The following URB1 variants were observed in gnomAD, a reference collection of about 807,000 sequenced individuals.
The protein encoded by URB1 is nucleolar pre-ribosomal-associated protein 1.
Under a neutral mutation model 242.3 loss-of-function variants are expected in URB1, and 197 were observed. The observed-to-expected ratio is 0.81, with a 90% CI of 0.72 to 0.91. URB1 has a LOEUF of 0.91. URB1 is among the 40% of genes least tolerant of loss of function. The pLI is 0.00. For missense variants in URB1, 2,721 were observed against 2,860.5 expected (o/e 0.95, Z 1.11); for synonymous variants, 1,153 against 1,201.8 (o/e 0.96, Z 0.84).
chr21:32,351,261 G>T (rs1039789000), intron 19 of URB1, among the ~76,000 whole-genome samples: 3 of 152,154 alleles, frequency 2.0e-5, no homozygotes, highest in African/African-American at 7.2e-5. Flanking sequence ...ACTAGAAAGG[G>T]GGAAATCAGC....
At chr21:32,337,184 G>A (rs763362815) in intron 27 of URB1, 27 bp from the exon 28 acceptor site, 1 of 1,551,258 alleles carries the variant, frequency 6.4e-7, no homozygotes, top group South Asian at 1.2e-5. Flanking sequence ...GATCGGTTTA[G>A]GAAGATGAAC....
At chr21:32,363,113 G>A in intron 11 of URB1, 43 bp downstream of exon 11, 1 of 1,529,448 alleles carries the variant, frequency 6.5e-7, no homozygotes. Context: ...TTTTCCACCT[G>A]GTGAGGTCTG....
chr21:32,322,418 C>T (rs148912155), intron 33 of URB1, 60 bp downstream of exon 33: 134 of 1,396,676 alleles, frequency 9.6e-5, no homozygotes, highest in Admixed American at 1.6e-4. Flanking sequence ...AGAATGACAA[C>T]GGTGGCTGCA....
Position 32,334,254 on chromosome 21 carries a change from C to T in URB1, c.4766G>A (p.Ser1589Asn), listed in dbSNP as rs1244270449. 1 of 1,551,576 alleles carries T rather than the reference C, an allele frequency of 6.4e-7. No homozygotes were observed. Among genetic ancestry groups the T allele is most frequent in the South Asian group, 1.2e-5 (1 of 84,056 alleles). Residue 1589 changes from serine to asparagine, a missense_variant, in exon 29 of 39, where the codon AGT (serine) becomes AAT (asparagine). Transcript: ENST00000382751. ...SLGRSLWQQPSVGDILRLLDR... is the reference protein window; with the variant it reads ...SLGRSLWQQPNVGDILRLLDR... ...CAGCAGGCGAAGGATGTCCCCGACA[C>T]TCGGCTGCTGCCACAGTGACCTGCC...
chr21:32,361,181 A>AAGAAAGAAAGAAAGAAAGAAAGAC, intron 12 of URB1, 58 bp from the exon 13 acceptor site: 1 of 817,462 alleles, frequency 1.2e-6, no homozygotes. Flanking sequence ...GAAAGAAAGA[A>AAGAAAGAAAGAAAGAAAGAAAGAC]AGAAAGAAAG....
At chr21:32,390,776 A>G (rs201087722) in intron 1 of URB1, among the ~76,000 whole-genome samples, 12 of 151,284 alleles carry the variant, frequency 7.9e-5, no homozygotes, top group South Asian at 2.1e-4. Context: ...GTGGGACTGT[A>G]AACTAGTTCA....
At chr21:32,316,403 T>C in intron 38 of URB1, 63 bp downstream of exon 38, 1 of 1,455,374 alleles carries the variant, frequency 6.9e-7, no homozygotes, top group Non-Finnish European at 9.1e-7. Context: ...CAGAAATCAC[T>C]CCTGCCCCCA....
At chr21:32,338,015 T>C (rs2833773) in intron 26 of URB1, among the ~76,000 whole-genome samples, 119,221 of 152,168 alleles carry the variant, frequency 0.78, 47,416 homozygotes, top group Non-Finnish European at 0.86. Context: ...AATTGAATGG[T>C]GGAGCCCTTT....
rs1026038566 is a variant in URB1 at position 32,392,811 on chromosome 21, G to T, written c.100C>A (p.Arg34=). ...RARKEELTGV[R]FKAQLKDPQG... ...GGGTCCTTCAGCTGAGCCTTGAACC[G>T]CACGCCCGTGAGCTCTTCTTTGCGG... The change falls in exon 1 of 39, where the codon CGG becomes AGG. Residue 34 remains arginine, a synonymous_variant. Coordinates refer to ENST00000382751, the MANE Select transcript of URB1 (RefSeq NM_014825.3). 1.3e-6 allele frequency: 2 copies of T among 1,529,218 alleles called. No individual in the cohort carries two copies. Among genetic ancestry groups the T allele is most frequent in the Non-Finnish European group, 8.7e-7 (1 of 1,143,162 alleles). 94.7% of individuals were successfully genotyped at this position (1,529,218 alleles called of 1,614,324 possible).
In URB1 at chr21:32,325,392, G is replaced by A. The variant is rs1262813278; in HGVS notation, c.4961-3C>T. ...TTTTCGACAATCCACCACAAACTCT[G>A]CAGGAAATGAAATACAGCATGAAAC... On this transcript the variant is annotated splice_polypyrimidine_tract_variant and splice_region_variant and intron_variant, in intron 30 of 38. Transcript: ENST00000382751. 1 of 1,547,382 alleles carries A rather than the reference G, an allele frequency of 6.5e-7. No individual in the cohort carries two copies.
rs750760039 is a variant in URB1, at chr21:32,316,543, C to T, written c.6557G>A (p.Arg2186Gln). Residue 2186 changes from arginine (R) to glutamine (Q), a missense_variant, in exon 38 of 39, where the codon CGG becomes CAG. By Grantham distance (43) the Arg-to-Gln change is conservative. Transcript: ENST00000382751. The stretch of plus-strand genomic sequence containing the variant: ...GGCCGGGTGGAAGGGGCTCCCTGCC[C>T]GGCCCTGGGCAGCCACCAGCTGCAG... ...VMLQLVAAQG[R>Q]AGSPFHPAME... 170 of 1,550,788 alleles carry T rather than the reference C, an allele frequency of 1.1e-4. 2 individuals are homozygous for T. In the Middle Eastern group the frequency reaches 6.0e-3, roughly 55 times the overall value.
intron 1 of URB1, among the ~76,000 whole-genome samples, chr21:32,387,209 C>T (rs993392184): frequency 2.0e-5 from 3 of 152,134 alleles, no homozygotes; most frequent in African/African-American, 7.2e-5. Context: ...TCTGAACCCC[C>T]ACCACAACCC....
chr21:32,324,519 G>A lies in URB1; in HGVS notation c.5205C>T (p.Ala1735=). The change falls in exon 32 of 39, where the codon GCC becomes GCT. Residue 1735 remains alanine (A), a synonymous_variant. Transcript: ENST00000382751. ...GTTTCAAAATCTGCAGGGCTGCTTT[G>A]GCAATGAAGAGAGCCAAGGTAAAAG... ...RLTFTLALFI[A]KAALQILKPE... 8.4e-6 allele frequency: 13 copies of A among 1,551,950 alleles called. No homozygotes were observed. Among genetic ancestry groups the A allele is most frequent in the Non-Finnish European group, 1.1e-5 (13 of 1,147,032 alleles).
At chr21:32,339,776 C>T (rs1274459985) in intron 25 of URB1, among the ~76,000 whole-genome samples, 2 of 152,208 alleles carry the variant, frequency 1.3e-5, no homozygotes, top group Non-Finnish European at 2.9e-5. Context: ...CAGGCGTGAG[C>T]CACTGAGCCC....
chr21:32,361,160 A>AAAGAAAGAAAGAAAGAAAGG, intron 12 of URB1, 37 bp from the exon 13 acceptor site: 1 of 398,394 alleles, frequency 2.5e-6, no homozygotes, highest in Non-Finnish European at 4.0e-6. Flanking sequence ...AAAAGAGAAA[A>AAAGAAAGAAAGAAAGAAAGG]AAGAAAGAAA....
intron 4 of URB1, among the ~76,000 whole-genome samples, chr21:32,382,230 C>T (rs2033534991): frequency 6.6e-6 from 1 of 152,188 alleles, no homozygotes; most frequent in Admixed American, 6.5e-5. Flanking sequence ...GCCAGGCTTA[C>T]TGCCAGGTAA....
intron 30 of URB1, among the ~76,000 whole-genome samples, chr21:32,325,656 C>T (rs1198770100): frequency 6.6e-6 from 1 of 152,152 alleles, no homozygotes; most frequent in Non-Finnish European, 1.5e-5. Flanking sequence ...TCATAAACAC[C>T]CAATGAGTCA....
In URB1 at chr21:32,314,661, C is replaced by T. The variant is rs368891123; in HGVS notation, c.*257G>A. The T allele has an allele frequency of 2.9e-5, 47 of 1,612,750 alleles. No homozygotes were observed. The highest frequency in any genetic ancestry group is 3.7e-5 in the Non-Finnish European group (44 of 1,178,836). ...GAGGAAGGGGCGGCCTGACGAGGCA[C>T]TGGATGGGCCTCATGGCCTAGAAGT... On this transcript the variant is annotated 3_prime_UTR_variant, in exon 39 of 39. Transcript: ENST00000382751.
Position 32,317,067 on chromosome 21 carries a change from T to G in URB1, c.6035-2A>C. The stretch of plus-strand genomic sequence containing the variant: ...GCTTGTTCTTATCCTTGAGCATTTC[T>G]GTTAAATGCACAAAGAGAAGGTAAT... On this transcript the variant is annotated splice_acceptor_variant, in intron 37 of 38. Transcript: ENST00000382751. LOFTEE classifies it high-confidence loss of function. 6.6e-7 allele frequency: 1 copy of G among 1,525,680 alleles called. No homozygotes were observed. The highest frequency in any genetic ancestry group is 2.5e-5 in the East Asian group (1 of 40,708). The allele number at this position is 1,525,680 out of a possible 1,614,324, so 94.5% of individuals were successfully genotyped here.
Sources: allele counts gnomAD v4.1 joint callset (sites outside exome capture counted in the v4.1 genomes callset), GRCh38; gene constraint gnomAD v4.1.1; transcripts MANE v1.5; gene names NCBI Gene and HGNC (gene_info 2026-07-23, HGNC 2026-07-21).